Variants in RANBP17 observed in about 807,000 individuals in gnomAD.
RANBP17 encodes the protein ran-binding protein 17.
A neutral mutation model predicts 141.2 loss-of-function variants in RANBP17; 158 were observed. The ratio of observed to expected loss-of-function variants is 1.12; its 90% CI spans 0.98 to 1.28. The LOEUF is 1.28. Ranked by LOEUF, RANBP17 falls within the 50% of genes most tolerant of loss-of-function variation. RANBP17 has a pLI of 0.00. For synonymous variants in RANBP17, 430 were observed against 450.0 expected, an observed-to-expected ratio of 0.96 and a Z score of 0.56; for missense variants, 1,438 against 1,290.7, an observed-to-expected ratio of 1.11 and a Z score of -1.75.
At chr5:171,128,256 CCAT>C in intron 14 of RANBP17, among the ~76,000 whole-genome samples, 1 of 152,252 alleles carries the variant, frequency 6.6e-6, no homozygotes, top group African/African-American at 2.4e-5. Context: ...ACCTAAGTAT[CCAT>C]CAATGAATGA....
At chr5:171,056,837 C>T (rs1231355300) in intron 14 of RANBP17, among the ~76,000 whole-genome samples, 1 of 152,074 alleles carries the variant, frequency 6.6e-6, no homozygotes, top group African/African-American at 2.4e-5. Context: ...TTTTTAAAGC[C>T]AAAAACCTTT....
At position 171,175,195 on chromosome 5, in the gene RANBP17, A is replaced by G. The variant is rs376879701; in HGVS notation, c.1865+3909A>G. Among the ~76,000 whole-genome samples the G allele has an allele frequency of 1.3e-3, 200 of 152,260 alleles. 9 individuals are homozygous for G. The South Asian group carries it at 0.039, about 30-fold the overall frequency. On this transcript the variant is annotated intron_variant, in intron 16 of 27. Transcript: ENST00000523189. Reference sequence around the variant, plus strand: ...GTGGCACATTTTCTTTATCCAGTCTATCATTGATGGGCATTTGGGTTGGTT... The same window carrying G: ...GTGGCACATTTTCTTTATCCAGTCTGTCATTGATGGGCATTTGGGTTGGTT...
At chr5:171,191,765 C>G in intron 18 of RANBP17, among the ~76,000 whole-genome samples, 1 of 151,978 alleles carries the variant, frequency 6.6e-6, no homozygotes, top group East Asian at 1.9e-4. Context: ...ATGTAGTGGC[C>G]CTCTGACCAC....
chr5:171,222,947 T>C (rs992895314), intron 22 of RANBP17, among the ~76,000 whole-genome samples: 24 of 152,182 alleles, frequency 1.6e-4, no homozygotes, highest in African/African-American at 5.8e-4. Flanking sequence ...AATATTTGGG[T>C]ACCCAGAAAC....
intron 21 of RANBP17, among the ~76,000 whole-genome samples, chr5:171,217,790 C>G (rs574337226): frequency 1.3e-5 from 2 of 151,472 alleles, no homozygotes; most frequent in African/African-American, 4.8e-5. Flanking sequence ...GATTCTTCTT[C>G]TTTATTAGTC....
At chr5:171,092,773 A>T (rs1367677591) in intron 14 of RANBP17, among the ~76,000 whole-genome samples, 1 of 152,172 alleles carries the variant, frequency 6.6e-6, no homozygotes, top group Non-Finnish European at 1.5e-5. Flanking sequence ...GTTGTTATTC[A>T]CCCCATAGTA....
At chr5:171,236,467 C>T (rs1764553973) in intron 22 of RANBP17, among the ~76,000 whole-genome samples, 1 of 152,142 alleles carries the variant, frequency 6.6e-6, no homozygotes, top group African/African-American at 2.4e-5. Flanking sequence ...GCAGCTAATT[C>T]TCTATTGAAG....
intron 14 of RANBP17, among the ~76,000 whole-genome samples, chr5:171,014,187 AT>A (rs1489558802): frequency 6.6e-6 from 1 of 151,304 alleles, no homozygotes; most frequent in South Asian, 2.1e-4. Context: ...TCTTTTTTTC[AT>A]TTTTTTATCT....
rs10055216 is a variant in RANBP17 at position 170,981,562 on chromosome 5, A to T, written c.1710+13185A>T. On this transcript the variant is annotated intron_variant, in intron 14 of 27. Transcript: ENST00000523189. ...GGGGAGTTTTCCTGCACAGGCTCTC[A>T]TTTTTTTTTTTGCCTGCCACTATCC... Among the ~76,000 whole-genome samples, 609 of 149,164 alleles carry T rather than the reference A, an allele frequency of 4.1e-3. 4 individuals carry two copies. The highest frequency in any genetic ancestry group is 9.1e-3 in the South Asian group (43 of 4,742).
At chr5:171,103,451 C>A (rs1051458980) in intron 14 of RANBP17, among the ~76,000 whole-genome samples, 1 of 152,132 alleles carries the variant, frequency 6.6e-6, no homozygotes, top group Non-Finnish European at 1.5e-5. Flanking sequence ...TCCCCTCCCC[C>A]CACAAAGCTC....
chr5:171,115,395 A>G (rs994160952), intron 14 of RANBP17, among the ~76,000 whole-genome samples: 1 of 152,200 alleles, frequency 6.6e-6, no homozygotes, highest in Non-Finnish European at 1.5e-5. Context: ...AAGATAAAAG[A>G]TAATATTGTC....
chr5:170,976,938 A>G (rs1203645998), intron 14 of RANBP17, among the ~76,000 whole-genome samples: 1 of 152,118 alleles, frequency 6.6e-6, no homozygotes, highest in Non-Finnish European at 1.5e-5. Flanking sequence ...GACTTTGGAC[A>G]ATGGTTTCTT....
At chr5:171,035,114 A>G (rs915817649) in intron 14 of RANBP17, among the ~76,000 whole-genome samples, 2 of 152,236 alleles carry the variant, frequency 1.3e-5, no homozygotes, top group Admixed American at 1.3e-4. Context: ...GGGTTGTTAT[A>G]TATATGATTT....
intron 14 of RANBP17, among the ~76,000 whole-genome samples, chr5:171,035,100 GA>G (rs1414033508): frequency 6.6e-6 from 1 of 152,308 alleles, no homozygotes; most frequent in East Asian, 1.9e-4. Context: ...AGAAATGCTA[GA>G]TGGGGTTGTT....
At chr5:171,251,930 G>C (rs1367264217) in intron 24 of RANBP17, 1 of 1,602,272 alleles carries the variant, frequency 6.2e-7, no homozygotes, top group Non-Finnish European at 8.6e-7. Context: ...CACTATTTTG[G>C]ATTAGTCAGT....
At chr5:171,039,299 T>C (rs1034116253) in intron 14 of RANBP17, among the ~76,000 whole-genome samples, 20 of 150,740 alleles carry the variant, frequency 1.3e-4, no homozygotes, top group Admixed American at 1.2e-3. Context: ...TGGTGTGACA[T>C]GGTTTTGATT....
At chr5:171,293,374 G>T (rs1218583765) in intron 25 of RANBP17, among the ~76,000 whole-genome samples, 1 of 152,226 alleles carries the variant, frequency 6.6e-6, no homozygotes, top group Non-Finnish European at 1.5e-5. Context: ...TGAACGAAGA[G>T]TGAAGAGAAA....
intron 14 of RANBP17, among the ~76,000 whole-genome samples, chr5:171,105,381 C>CAAAAA (rs1167025699): frequency 1.8e-5 from 1 of 54,292 alleles, no homozygotes; most frequent in East Asian, 5.0e-4. Context: ...GACTCCGTCT[C>CAAAAA]AAAAAAAAAA....
chr5:171,103,025 G>C (rs1787282784), intron 14 of RANBP17, among the ~76,000 whole-genome samples: 1 of 152,198 alleles, frequency 6.6e-6, no homozygotes, highest in South Asian at 2.1e-4. Context: ...TCCTGCATGA[G>C]GTGTCTGTCG....
Sources: gnomAD v4.1 joint callset for allele counts (sites outside exome capture counted in the v4.1 genomes callset) on GRCh38, gnomAD v4.1.1 for gene constraint, MANE v1.5 for transcripts, NCBI Gene and HGNC (gene_info 2026-07-23, HGNC 2026-07-21) for gene names.